The following MBOAT1 variants were observed in gnomAD, a reference collection of about 807,000 sequenced individuals.
MBOAT1 encodes membrane bound glycerophospholipid O-acyltransferase 1, also known as membrane-bound glycerophospholipid O-acyltransferase 1.
A neutral mutation model predicts 64.4 loss-of-function variants in MBOAT1; 67 were observed. That is an observed-to-expected ratio of 1.04 (90% CI 0.85 to 1.27). The LOEUF (loss-of-function observed/expected upper bound fraction) is 1.27. Ranked by LOEUF, MBOAT1 falls within the 50% of genes most tolerant of loss-of-function variation. The pLI is 0.00. For synonymous variants in MBOAT1, 229 were observed against 218.9 expected, an observed-to-expected ratio of 1.05 and a Z score of -0.41; for missense variants, 563 against 604.6, an observed-to-expected ratio of 0.93 and a Z score of 0.72.
chr6:20,129,473 A>G (rs1208659507), intron 5 of MBOAT1, among the ~76,000 whole-genome samples: 1 of 152,098 alleles, frequency 6.6e-6, no homozygotes, highest in Non-Finnish European at 1.5e-5. Context: ...AAGGCTGAGT[A>G]GGGTCATCAA....
Position 20,212,432 on chromosome 6 carries a change from T to TTGGCGC in MBOAT1, c.-204_-199dup, listed in dbSNP as rs1763470100. 13 of 581,826 alleles carry TTGGCGC rather than the reference T, an allele frequency of 2.2e-5. No individual in the cohort carries two copies. The South Asian group carries it at 2.4e-4, about 11-fold the overall frequency. 36.0% of individuals were successfully genotyped at this position (581,826 alleles called of 1,614,324 possible). ...AAACTCTCGAGGCGCAAACTTGGCT[T>TTGGCGC]TGGCGCTGGCGCTGCAGCCACGGGC... is the stretch of plus-strand genomic sequence containing the variant. On this transcript the variant is annotated 5_prime_UTR_variant, in exon 1 of 13. Coordinates refer to ENST00000324607, the MANE Select transcript of MBOAT1 (RefSeq NM_001080480.3).
At chr6:20,172,795 A>G (rs757144388) in intron 1 of MBOAT1, among the ~76,000 whole-genome samples, 20 of 152,238 alleles carry the variant, frequency 1.3e-4, no homozygotes, top group Non-Finnish European at 2.8e-4. Flanking sequence ...TCAAAAATAC[A>G]GGAGGTAAAA....
chr6:20,166,070 A>G (rs896386574), intron 1 of MBOAT1, among the ~76,000 whole-genome samples: 1 of 152,152 alleles, frequency 6.6e-6, no homozygotes, highest in African/African-American at 2.4e-5. Context: ...TCTTTAGCAG[A>G]TGGAGCATAC....
intron 9 of MBOAT1, among the ~76,000 whole-genome samples, chr6:20,117,273 G>A (rs920891327): frequency 5.9e-5 from 9 of 152,168 alleles, no homozygotes; most frequent in Non-Finnish European, 1.0e-4. Flanking sequence ...TGTTTTGCCC[G>A]CAGTGGCCCT....
At chr6:20,183,114 G>C (rs56400891) in intron 1 of MBOAT1, among the ~76,000 whole-genome samples, 1 of 152,054 alleles carries the variant, frequency 6.6e-6, no homozygotes, top group Non-Finnish European at 1.5e-5. Context: ...TGTCCTCTGC[G>C]TCACCTCCCC....
chr6:20,161,231 C>T (rs1385155618), intron 1 of MBOAT1, among the ~76,000 whole-genome samples: 1 of 151,878 alleles, frequency 6.6e-6, no homozygotes, highest in African/African-American at 2.4e-5. Context: ...TTATAAGAAT[C>T]GAATGCCTTA....
chr6:20,151,732 T>C (rs1312002703), intron 2 of MBOAT1, among the ~76,000 whole-genome samples: 2 of 152,192 alleles, frequency 1.3e-5, no homozygotes, highest in African/African-American at 4.8e-5. Context: ...CTTCTCAATA[T>C]GTTGGTTTCC....
chr6:20,158,989 C>T (rs1234072605), intron 1 of MBOAT1, among the ~76,000 whole-genome samples: 1 of 152,132 alleles, frequency 6.6e-6, no homozygotes, highest in Non-Finnish European at 1.5e-5. Context: ...ATCAGTACAG[C>T]CATTATGGAA....
Position 20,113,068 on chromosome 6 carries a change from C to T in MBOAT1, c.1077-60G>A, listed in dbSNP as rs141945792. 3.2e-6 allele frequency: 5 copies of T among 1,573,170 alleles called. No individual in the cohort carries two copies. The African/African-American group carries it at 6.8e-5, about 21-fold the overall frequency. On this transcript the variant is annotated intron_variant, in intron 10 of 12. Coordinates refer to ENST00000324607, the MANE Select transcript of MBOAT1 (RefSeq NM_001080480.3). Reference sequence around the variant, plus strand: ...ACATACCAGAAACTTCTAAGTACAGCTGCTGTTTCTTGGATAAGACCATGC... The same window carrying T: ...ACATACCAGAAACTTCTAAGTACAGTTGCTGTTTCTTGGATAAGACCATGC...
chr6:20,178,611 A>T (rs988014629), intron 1 of MBOAT1, among the ~76,000 whole-genome samples: 2 of 152,214 alleles, frequency 1.3e-5, no homozygotes, highest in Non-Finnish European at 2.9e-5. Context: ...TTAGAAAAGC[A>T]TCATAGAATT....
intron 4 of MBOAT1, among the ~76,000 whole-genome samples, chr6:20,135,855 T>A (rs967928169): frequency 6.6e-6 from 1 of 152,104 alleles, no homozygotes; most frequent in Non-Finnish European, 1.5e-5. Flanking sequence ...AGAATACAGA[T>A]TCAACAAACT....
intron 1 of MBOAT1, among the ~76,000 whole-genome samples, chr6:20,168,502 A>AGAAGAGAG (rs1762076632): frequency 8.6e-5 from 8 of 92,836 alleles, no homozygotes; most frequent in African/African-American, 3.4e-4. Flanking sequence ...AGAGAGAGAG[A>AGAAGAGAG]GAGAGGAGAG....
chr6:20,154,191 C>T (rs770887910), intron 1 of MBOAT1, among the ~76,000 whole-genome samples: 15 of 152,182 alleles, frequency 9.9e-5, no homozygotes, highest in Admixed American at 6.6e-4. Context: ...CCCTTTGTAA[C>T]TCGTAGAAAA....
chr6:20,188,334 A>G (rs1362739478), intron 1 of MBOAT1, among the ~76,000 whole-genome samples: 1 of 152,200 alleles, frequency 6.6e-6, no homozygotes, highest in East Asian at 1.9e-4. Flanking sequence ...TACCATACAT[A>G]GCATACTTAC....
intron 1 of MBOAT1, among the ~76,000 whole-genome samples, chr6:20,192,618 AATG>A (rs1183779936): frequency 6.6e-6 from 1 of 152,182 alleles, no homozygotes; most frequent in African/African-American, 2.4e-5. Flanking sequence ...TGGCTTCAAA[AATG>A]TGATGGGGCT....
intron 1 of MBOAT1, among the ~76,000 whole-genome samples, chr6:20,157,589 T>C (rs982108373): frequency 6.6e-6 from 1 of 152,156 alleles, no homozygotes; most frequent in Non-Finnish European, 1.5e-5. Context: ...CAAACAGTGA[T>C]ACTCTAAGGA....
At chr6:20,181,189 G>A (rs1343852087) in intron 1 of MBOAT1, among the ~76,000 whole-genome samples, 4 of 152,088 alleles carry the variant, frequency 2.6e-5, no homozygotes, top group East Asian at 1.9e-4. Context: ...CCACAACTTC[G>A]ACTGTTATGG....
chr6:20,135,554 G>T, intron 4 of MBOAT1, among the ~76,000 whole-genome samples: 1 of 152,074 alleles, frequency 6.6e-6, no homozygotes, highest in East Asian at 1.9e-4. Context: ...TTAATCTTTG[G>T]ACCTAAAGTG....
At chr6:20,117,763 G>A (rs1760371336) in intron 9 of MBOAT1, among the ~76,000 whole-genome samples, 1 of 152,224 alleles carries the variant, frequency 6.6e-6, no homozygotes, top group Non-Finnish European at 1.5e-5. Flanking sequence ...GCTTCTGCAT[G>A]TTGAGAATCA....
Sources: gnomAD v4.1 joint callset for allele counts (sites outside exome capture counted in the v4.1 genomes callset) on GRCh38, gnomAD v4.1.1 for gene constraint, MANE v1.5 for transcripts, NCBI Gene and HGNC (gene_info 2026-07-23, HGNC 2026-07-21) for gene names.